Variants in HOXB3 observed in about 807,000 individuals in gnomAD.
The protein encoded by HOXB3 is homeobox protein Hox-B3.
A neutral mutation model predicts 29.2 loss-of-function variants in HOXB3; 17 were observed. The observed-to-expected ratio is 0.58, with a 90% CI of 0.40 to 0.87. The LOEUF is 0.87. Ranked by LOEUF, HOXB3 falls within the 40% of genes least tolerant of loss-of-function variation. HOXB3 has a pLI of 0.00. For synonymous variants in HOXB3, 317 were observed against 285.9 expected, an observed-to-expected ratio of 1.11 and a Z score of -1.10; for missense variants, 637 against 616.3, an observed-to-expected ratio of 1.03 and a Z score of -0.35.
In HOXB3 at chr17:48,550,330, C is replaced by T. The variant is rs1206525910; in HGVS notation, c.*4G>A. 6.2e-7 allele frequency: 1 copy of T among 1,613,918 alleles called. No homozygotes were observed. ...ATCCCCTAATCCTCGTTCGCCCTTT[C>T]CCATCACAGGTGTGTTAATTTGGGC... On this transcript the variant is annotated 3_prime_UTR_variant, in exon 5 of 5. Coordinates refer to ENST00000498678, the MANE Select transcript of HOXB3 (RefSeq NM_001384749.1).
chr17:48,564,235 CG>C (rs1428484398), intron 2 of HOXB3, among the ~76,000 whole-genome samples: 13 of 151,804 alleles, frequency 8.6e-5, no homozygotes, highest in Admixed American at 8.5e-4. Context: ...TCCGCTAGGG[CG>C]CGGGCAACGG....
chr17:48,550,378 G>C lies in HOXB3; in HGVS notation c.1252C>G (p.Pro418Ala). 1 of 1,614,146 alleles carries C rather than the reference G, an allele frequency of 6.2e-7. No homozygotes were observed. The highest frequency in any genetic ancestry group is 8.5e-7 in the Non-Finnish European group (1 of 1,180,038). ...TDLSSHHAPP[P>A]QGRIQEAPKL... ...GGCGCTTCTTGGATTCTACCCTGAG[G>C]AGGAGGCGCGTGGTGAGAGGAGAGG... The change falls in exon 5 of 5, where the codon CCT (proline) becomes GCT (alanine). Residue 418 changes from proline to alanine, a missense_variant. Pro to Ala is a conservative substitution (Grantham distance 27). Coordinates refer to ENST00000498678, the MANE Select transcript of HOXB3 (RefSeq NM_001384749.1).
chr17:48,577,339 G>T lies in HOXB3; in HGVS notation c.-424-3325C>A, dbSNP rs2069799180. ...GGCCCCCAGAATGGGAGAATGAGGGGGTGGAAGAGGGAGGGGAGGTTTCCC... is the reference window on the plus strand; with the variant it reads ...GGCCCCCAGAATGGGAGAATGAGGGTGTGGAAGAGGGAGGGGAGGTTTCCC... On this transcript the variant is annotated intron_variant, in intron 1 of 4. Transcript: ENST00000498678. Among the ~76,000 whole-genome samples the T allele has an allele frequency of 2.0e-5, 3 of 152,156 alleles. No individual in the cohort carries two copies. In the South Asian group the frequency reaches 6.2e-4, roughly 32 times the overall value.
intron 4 of HOXB3, 141 bp downstream of exon 4, chr17:48,551,886 G>T: frequency 1.3e-6 from 1 of 749,224 alleles, no homozygotes; most frequent in South Asian, 1.7e-5. Flanking sequence ...TTAGGGGGTA[G>T]GGGTATCAAA....
intron 2 of HOXB3, among the ~76,000 whole-genome samples, chr17:48,573,417 G>A (rs1421914934): frequency 6.6e-6 from 1 of 152,198 alleles, no homozygotes; most frequent in Admixed American, 6.5e-5. Flanking sequence ...GGGGACACCA[G>A]TACCCAGTGT....
At chr17:48,569,140 C>T (rs1457855860) in intron 2 of HOXB3, among the ~76,000 whole-genome samples, 1 of 151,660 alleles carries the variant, frequency 6.6e-6, no homozygotes, top group East Asian at 1.9e-4. Context: ...ACAGGGAGAC[C>T]GAGCCTGCGA....
intron 1 of HOXB3, chr17:48,577,917 C>T (rs532963118): frequency 7.3e-7 from 1 of 1,368,932 alleles, no homozygotes; most frequent in Non-Finnish European, 9.5e-7. Flanking sequence ...TCTTTGCACG[C>T]GGAGTGGGAC....
At chr17:48,555,678 C>T (rs1268099213) in intron 2 of HOXB3, 60 bp from the exon 3 acceptor site, 2 of 693,656 alleles carry the variant, frequency 2.9e-6, no homozygotes, top group Non-Finnish European at 5.2e-6. Flanking sequence ...CGCCCCCCCG[C>T]CCCCGCCCCG....
At chr17:48,586,569 A>G (rs1198519010) in intron 1 of HOXB3, among the ~76,000 whole-genome samples, 1 of 152,126 alleles carries the variant, frequency 6.6e-6, no homozygotes, top group Non-Finnish European at 1.5e-5. Flanking sequence ...TGAATTATTG[A>G]TGAGATATGA....
chr17:48,580,139 G>A (rs1407545861), intron 1 of HOXB3: 1 of 300,624 alleles, frequency 3.3e-6, no homozygotes, highest in Non-Finnish European at 6.5e-6. Flanking sequence ...CAAGTAGCCA[G>A]TTCGCAAAGG....
At chr17:48,551,387 TATTAA>T in intron 4 of HOXB3, 1 of 451,176 alleles carries the variant, frequency 2.2e-6, no homozygotes. Context: ...TAGTGGCATT[TATTAA>T]GAGACCTGTT....
At chr17:48,573,256 A>G (rs2069645114) in intron 2 of HOXB3, among the ~76,000 whole-genome samples, 1 of 152,220 alleles carries the variant, frequency 6.6e-6, no homozygotes, top group Non-Finnish European at 1.5e-5. Context: ...AGAGTAGCAC[A>G]TATTTGTCTA....
At chr17:48,578,479 A>C (rs375988936) in intron 1 of HOXB3, 9 of 901,880 alleles carry the variant, frequency 1.0e-5, no homozygotes, top group African/African-American at 6.9e-5. Context: ...ATTCCCGGAT[A>C]AGGAAATCTG....
intron 1 of HOXB3, chr17:48,581,017 C>G (rs960952360): frequency 6.6e-6 from 1 of 152,264 alleles, no homozygotes; most frequent in Non-Finnish European, 1.5e-5. Flanking sequence ...ACTCCCTACT[C>G]AACTCCCTAG....
In HOXB3 at chr17:48,554,863, G is replaced by A. The variant is rs1400696385; in HGVS notation, c.-159+668C>T. 2.8e-6 allele frequency: 2 copies of A among 702,044 alleles called. No homozygotes were observed. The highest frequency in any genetic ancestry group is 5.2e-6 in the Non-Finnish European group (2 of 384,732). 43.5% of individuals were successfully genotyped at this position (702,044 alleles called of 1,614,324 possible). On this transcript the variant is annotated intron_variant, in intron 3 of 4. Transcript: ENST00000498678. The surrounding 1 kb of genome is among the most constrained non-coding windows in gnomAD (Gnocchi z 4.1). ...GGCCTGGCGGACGGGACAGTGGGAA[G>A]AGAGAAAGGTGCTAAGGGGACCCAA...
At chr17:48,579,751 G>A (rs2069884850) in intron 1 of HOXB3, 1 of 302,484 alleles carries the variant, frequency 3.3e-6, no homozygotes. Context: ...AGAGGAAGGA[G>A]TCTTCGTGTG....
At chr17:48,573,685 G>GCTT in intron 2 of HOXB3, among the ~76,000 whole-genome samples, 152 bp downstream of exon 2, 1 of 152,246 alleles carries the variant, frequency 6.6e-6, no homozygotes, top group South Asian at 2.1e-4. Flanking sequence ...CATCATAAAA[G>GCTT]GGAGCAAACC....
chr17:48,570,065 G>C (rs2144849798), intron 2 of HOXB3, among the ~76,000 whole-genome samples: 1 of 152,234 alleles, frequency 6.6e-6, no homozygotes, highest in East Asian at 1.9e-4. Flanking sequence ...ATTTGAACAG[G>C]AGAGGAGGGA....
chr17:48,574,678 A>G lies in HOXB3; in HGVS notation c.-424-664T>C, dbSNP rs144118445. ...GGAGCCCCCAGACCTTAGAACTTCC[A>G]AGCAGTGCTGCACAAAAGCAATCTG... On this transcript the variant is annotated intron_variant, in intron 1 of 4. Coordinates refer to ENST00000498678, the MANE Select transcript of HOXB3 (RefSeq NM_001384749.1). Among the ~76,000 whole-genome samples, 347 of 152,194 alleles carry G rather than the reference A, an allele frequency of 2.3e-3. 4 individuals carry two copies. Among genetic ancestry groups the G allele is most frequent in the African/African-American group, 7.6e-3 (316 of 41,510 alleles).
Sources: gnomAD v4.1 joint callset for allele counts (sites outside exome capture counted in the v4.1 genomes callset) on GRCh38, gnomAD v4.1.1 for gene constraint, Gnocchi (gnomAD v3.1) non-coding constraint, MANE v1.5 for transcripts, NCBI Gene and HGNC (gene_info 2026-07-23, HGNC 2026-07-21) for gene names.